Variants in ABCA9 observed in about 807,000 individuals in gnomAD.
ABCA9 encodes the protein ATP binding cassette subfamily A member 9, also known as ATP-binding cassette sub-family A member 9.
ABCA9 carries 183 observed loss-of-function variants against 205.3 expected under a neutral mutation model. That is an observed-to-expected ratio of 0.89 (90% confidence interval 0.79 to 1.01). The LOEUF (loss-of-function observed/expected upper bound fraction) is 1.01, where lower values mean the gene tolerates loss of function less well. ABCA9 is among the 50% of genes least tolerant of loss of function. ABCA9 has a pLI of 0.00. For missense variants in ABCA9, 1,805 were observed against 1,912.4 expected, an observed-to-expected ratio of 0.94 and a Z score of 1.05; for synonymous variants, 651 against 683.3, an observed-to-expected ratio of 0.95 and a Z score of 0.74.
chr17:69,024,400 T>C (rs1178651617), intron 16 of ABCA9, 47 bp from the exon 17 acceptor site: 1 of 1,479,204 alleles, frequency 6.8e-7, no homozygotes, highest in South Asian at 1.4e-5. Flanking sequence ...ACTGTGTCTA[T>C]AAAACAATTT....
chr17:69,028,485 A>G (rs1567956435), intron 12 of ABCA9, 50 bp downstream of exon 12: 3 of 1,300,574 alleles, frequency 2.3e-6, no homozygotes, highest in Non-Finnish European at 3.3e-6. Flanking sequence ...AATTAAATGC[A>G]TATTAATGTG....
chr17:69,001,086 C>G, intron 25 of ABCA9, among the ~76,000 whole-genome samples: 1 of 152,020 alleles, frequency 6.6e-6, no homozygotes, highest in Non-Finnish European at 1.5e-5. Context: ...TTGACTTCCT[C>G]TTTTCCTAAC....
In ABCA9 at chr17:69,033,790, G is replaced by A; in HGVS notation, c.1212C>T (p.Phe404=). The part of the protein sequence containing the change: ...QNPYLIIATL[F]MLVFDTLLYL... ...ACAGAAGGGTGTCAAAAACCAACAT[G>A]AAAAGAGTAGCTATTATGAGGTATG... The change falls in exon 9 of 39, where the codon TTC becomes TTT. Residue 404 remains phenylalanine, a synonymous_variant. Transcript: ENST00000340001. 6.2e-7 allele frequency: 1 copy of A among 1,611,234 alleles called. No individual in the cohort carries two copies. Among genetic ancestry groups the A allele is most frequent in the Non-Finnish European group, 8.5e-7 (1 of 1,177,804 alleles).
rs1433629984 is a variant in ABCA9 at position 68,982,607 on chromosome 17, C to G, written c.4675G>C (p.Glu1559Gln). The G allele has an allele frequency of 6.2e-7, 1 of 1,613,952 alleles. No individual in the cohort carries two copies. Among genetic ancestry groups the G allele is most frequent in the Non-Finnish European group, 8.5e-7 (1 of 1,179,976 alleles). The change falls in exon 37 of 39, where the codon GAG (glutamate) becomes CAG (glutamine). Residue 1559 changes from glutamate to glutamine, a missense_variant. By Grantham distance (29) the Glu-to-Gln change is conservative (BLOSUM62 2). Coordinates refer to ENST00000340001, the MANE Select transcript of ABCA9 (RefSeq NM_080283.4). ...SSLMVYKLPV[E>Q]DVRPLSQAFF... is the part of the protein sequence containing the mutation. ...GCCTGTGATAAAGGTCGCACATCCTCAACAGGCAACTTATAGACCATCAGG... is the reference window on the plus strand; with the variant it reads ...GCCTGTGATAAAGGTCGCACATCCTGAACAGGCAACTTATAGACCATCAGG...
chr17:69,044,270 T>C (rs112233424), intron 5 of ABCA9, among the ~76,000 whole-genome samples: 2,184 of 152,304 alleles, frequency 0.014, 62 homozygotes, highest in African/African-American at 0.049. Flanking sequence ...TGACTATATA[T>C]CCATGTTTCT....
At chr17:69,071,453 G>A in the ABCA9 span, among the ~76,000 whole-genome samples, 2 of 152,284 alleles carry the variant, frequency 1.3e-5, no homozygotes, top group East Asian at 3.9e-4. Flanking sequence ...GGCAAACAGG[G>A]TCTGGAGTGG....
At chr17:69,076,541 G>T in the ABCA9 span, among the ~76,000 whole-genome samples, 1 of 152,130 alleles carries the variant, frequency 6.6e-6, no homozygotes, top group Non-Finnish European at 1.5e-5. Context: ...ATGAGTTACG[G>T]AGTAGTCCCT....
chr17:69,075,047 T>G, the ABCA9 span, among the ~76,000 whole-genome samples: 1 of 152,202 alleles, frequency 6.6e-6, no homozygotes, highest in Admixed American at 6.5e-5. Context: ...TATGTCTTCC[T>G]TTGAGAAGTG....
intron 2 of ABCA9, 123 bp downstream of exon 2, chr17:69,050,908 C>A: frequency 2.9e-6 from 2 of 688,608 alleles, no homozygotes; most frequent in Non-Finnish European, 3.9e-6. Context: ...GAAAAAAAAT[C>A]TAGCTTGTTA....
chr17:69,068,134 G>A, the ABCA9 span, among the ~76,000 whole-genome samples: 1 of 152,138 alleles, frequency 6.6e-6, no homozygotes, highest in African/African-American at 2.4e-5. Context: ...GGAATCTCAG[G>A]TGTTCAGCCT....
In ABCA9 at chr17:68,990,976, G is replaced by T. The variant is rs1047640193; in HGVS notation, c.3717-19C>A. The T allele has an allele frequency of 6.3e-7, 1 of 1,589,000 alleles. No individual in the cohort carries two copies. The highest frequency in any genetic ancestry group is 8.5e-7 in the Non-Finnish European group (1 of 1,173,516). On this transcript the variant is annotated intron_variant, in intron 28 of 38. Transcript: ENST00000340001. The stretch of plus-strand genomic sequence containing the variant: ...AGAAATTCTGAAATCAAAACAGTGT[G>T]ATAATGATAAACTTCGGGTTAAAAA...
chr17:69,035,684 G>A lies in ABCA9; in HGVS notation c.918C>T (p.Leu306=), dbSNP rs1374543518. The change falls in exon 7 of 39, where the codon CTC becomes CTT. Residue 306 remains leucine, a synonymous_variant. Transcript: ENST00000340001. ...CCAAAGACAGGCCATAGAGGAGAAA[G>A]AGGGTGAAGACCATCACAAAACCAG... ...VLTGFVMVFT[L]FLLYGLSLIT... The A allele has an allele frequency of 3.1e-6, 5 of 1,610,038 alleles. No individual in the cohort carries two copies. In the African/African-American group the frequency reaches 4.0e-5, roughly 13 times the overall value.
chr17:68,995,748 C>T, intron 26 of ABCA9, 147 bp downstream of exon 26: 1 of 1,018,652 alleles, frequency 9.8e-7, no homozygotes, highest in Non-Finnish European at 1.4e-6. Flanking sequence ...GCCCCTTATC[C>T]ATGCGTGGCA....
At chr17:68,986,523 T>C in intron 31 of ABCA9, 199 bp from the exon 32 acceptor site, 2 of 469,376 alleles carry the variant, frequency 4.3e-6, no homozygotes, top group Non-Finnish European at 7.4e-6. Flanking sequence ...GGTTATCCAT[T>C]GTAGTGTAGA....
chr17:69,039,782 G>C lies in ABCA9; in HGVS notation c.800+3707C>G, dbSNP rs1305551694. 5.9e-5 allele frequency among the ~76,000 whole-genome samples: 9 copies of C among 152,138 alleles called. No individual in the cohort carries two copies. The East Asian group carries it at 1.7e-3, about 29-fold the overall frequency. ...AGTGAACAGGCAACCTACAGAATGG[G>C]AGAAAGTTTTTGCAGTCTATCCATC... On this transcript the variant is annotated intron_variant, in intron 6 of 38. Transcript: ENST00000340001.
At chr17:69,012,748 C>T (rs2070426976) in intron 22 of ABCA9, among the ~76,000 whole-genome samples, 2 of 152,098 alleles carry the variant, frequency 1.3e-5, no homozygotes, top group Admixed American at 1.3e-4. Flanking sequence ...TCCAATTATA[C>T]TCTTTTAGTT....
chr17:69,045,962 C>T (rs529240020), intron 3 of ABCA9, among the ~76,000 whole-genome samples: 8 of 152,150 alleles, frequency 5.3e-5, no homozygotes, highest in South Asian at 4.1e-4. Context: ...AATAATTTAA[C>T]GCACAATGAA....
chr17:68,993,743 T>C (rs999359094), intron 26 of ABCA9, among the ~76,000 whole-genome samples: 10 of 152,222 alleles, frequency 6.6e-5, no homozygotes, highest in African/African-American at 2.4e-4. Flanking sequence ...CTTTTCCACA[T>C]TGGATGATGT....
intron 31 of ABCA9, among the ~76,000 whole-genome samples, chr17:68,988,426 G>C (rs2069322092): frequency 6.6e-6 from 1 of 151,968 alleles, no homozygotes; most frequent in Non-Finnish European, 1.5e-5. Flanking sequence ...TGTCCTTCAA[G>C]AATTTCAGTG....
Sources: gnomAD v4.1 joint callset for allele counts (sites outside exome capture counted in the v4.1 genomes callset) on GRCh38, gnomAD v4.1.1 for gene constraint, MANE v1.5 for transcripts, NCBI Gene and HGNC (gene_info 2026-07-23, HGNC 2026-07-21) for gene names.